The following VAV2 variants were observed in gnomAD, a reference collection of about 807,000 sequenced individuals.
VAV2 encodes the protein vav guanine nucleotide exchange factor 2.
A neutral mutation model predicts 132.5 loss-of-function variants in VAV2; 67 were observed. The ratio of observed to expected loss-of-function variants is 0.51; its 90% CI spans 0.42 to 0.62. The LOEUF (loss-of-function observed/expected upper bound fraction) is 0.62. Ranked by LOEUF, VAV2 falls within the 20% of genes least tolerant of loss-of-function variation. The pLI is 0.00. For synonymous variants in VAV2, 492 were observed against 443.5 expected (o/e 1.11, Z -1.37); for missense variants, 938 against 1,153.6 (o/e 0.81, Z 2.71).
intron 11 of VAV2, 84 bp from the exon 12 acceptor site, chr9:133,795,820 C>A: frequency 6.7e-7 from 1 of 1,486,822 alleles, no homozygotes; most frequent in Non-Finnish European, 9.3e-7. Flanking sequence ...AGGAGGTGTG[C>A]ACAGAACCAA....
At chr9:133,899,512 G>A (rs888025548) in intron 2 of VAV2, among the ~76,000 whole-genome samples, 4 of 151,706 alleles carry the variant, frequency 2.6e-5, no homozygotes, top group Non-Finnish European at 5.9e-5. Flanking sequence ...GGGTTCAAGC[G>A]ATTCTCATGC....
chr9:133,965,095 G>A (rs1842100916), intron 1 of VAV2, among the ~76,000 whole-genome samples: 1 of 152,082 alleles, frequency 6.6e-6, no homozygotes, highest in East Asian at 1.9e-4. Flanking sequence ...AAAAAACCTA[G>A]AACTGATAAC....
rs191518540 is a variant in VAV2 at position 133,928,791 on chromosome 9, G to A, written c.321+10312C>T. 1.1e-3 allele frequency among the ~76,000 whole-genome samples: 166 copies of A among 152,292 alleles called. No homozygotes were observed. Among genetic ancestry groups the A allele is most frequent in the African/African-American group, 3.5e-3 (147 of 41,544 alleles). On this transcript the variant is annotated intron_variant, in intron 2 of 29. Coordinates refer to ENST00000371850, the MANE Select transcript of VAV2 (RefSeq NM_001134398.2). The surrounding 1 kb of genome is among the most constrained non-coding windows in gnomAD (Gnocchi z 5.4). ...GAGAAATCAATGACATGGCTGAGACGGCATCTGGATACACTTGTCCAGCCC... is the reference window on the plus strand; with the variant it reads ...GAGAAATCAATGACATGGCTGAGACAGCATCTGGATACACTTGTCCAGCCC...
rs1840499121 is a variant in VAV2, at chr9:133,926,934, T to C, written c.321+12169A>G. ...CCAGCACCAGCCCTGGCCACAACTA[T>C]AGCAACTCCCCAAACCTCAGCCATC... is the stretch of plus-strand genomic sequence containing the variant. On this transcript the variant is annotated intron_variant, in intron 2 of 29. Coordinates refer to ENST00000371850, the MANE Select transcript of VAV2 (RefSeq NM_001134398.2). This position sits in a 1 kb window ranked among gnomAD's most constrained non-coding sequence, Gnocchi z 4.3. Among the ~76,000 whole-genome samples, 1 of 152,128 alleles carries C rather than the reference T, an allele frequency of 6.6e-6. No homozygotes were observed. Among genetic ancestry groups the C allele is most frequent in the Non-Finnish European group, 1.5e-5 (1 of 68,022 alleles).
At chr9:133,790,634 A>G (rs1052933490) in intron 13 of VAV2, among the ~76,000 whole-genome samples, 2 of 152,242 alleles carry the variant, frequency 1.3e-5, no homozygotes, top group Non-Finnish European at 2.9e-5. Flanking sequence ...CTGATGGTGC[A>G]GGGTGCGGCC....
At chr9:133,956,685 T>C (rs1030657480) in intron 1 of VAV2, among the ~76,000 whole-genome samples, 3 of 152,166 alleles carry the variant, frequency 2.0e-5, no homozygotes, top group Non-Finnish European at 4.4e-5. Context: ...CCTCGGCTGG[T>C]GGGCAGAGCA....
Position 133,991,170 on chromosome 9 carries a change from C to A in VAV2, c.204+905G>T, listed in dbSNP as rs1297780851. 1.3e-5 allele frequency among the ~76,000 whole-genome samples: 2 copies of A among 152,196 alleles called. No individual in the cohort carries two copies. Among genetic ancestry groups the A allele is most frequent in the Non-Finnish European group, 2.9e-5 (2 of 68,036 alleles). On this transcript the variant is annotated intron_variant, in intron 1 of 29. Transcript: ENST00000371850. This position sits in a 1 kb window ranked among gnomAD's most constrained non-coding sequence, Gnocchi z 4.8. ...GCACCTCCTCGGCGCTGGGTGGACCCGGCTGCCACCCGCTCTGCCTCCCCC... is the reference window on the plus strand; with the variant it reads ...GCACCTCCTCGGCGCTGGGTGGACCAGGCTGCCACCCGCTCTGCCTCCCCC...
intron 2 of VAV2, among the ~76,000 whole-genome samples, chr9:133,920,313 C>A (rs1229127157): frequency 1.3e-5 from 2 of 152,240 alleles, no homozygotes; most frequent in Non-Finnish European, 2.9e-5. Flanking sequence ...AGTGTCCCCA[C>A]TGCACAGCAG....
rs1180282421 is a variant in VAV2, at chr9:133,794,244, A to G, written c.1101+1424T>C. Reference sequence around the variant, plus strand: ...AGACAGGCCAGAGCAGGTGTTGGAGAGGGGCGGCTTGGGGGCTGCAGAGCT... The same window carrying G: ...AGACAGGCCAGAGCAGGTGTTGGAGGGGGGCGGCTTGGGGGCTGCAGAGCT... On this transcript the variant is annotated intron_variant, in intron 12 of 29. Transcript: ENST00000371850. The surrounding 1 kb of genome is among the most constrained non-coding windows in gnomAD (Gnocchi z 4.6). Among the ~76,000 whole-genome samples, 1 of 151,986 alleles carries G rather than the reference A, an allele frequency of 6.6e-6. No homozygotes were observed. The highest frequency in any genetic ancestry group is 1.5e-5 in the Non-Finnish European group (1 of 67,948).
chr9:133,934,330 C>T lies in VAV2; in HGVS notation c.321+4773G>A, dbSNP rs192817438. On this transcript the variant is annotated intron_variant, in intron 2 of 29. Transcript: ENST00000371850. ...ATAGGGGAAACGGCATTTCCTAAAC[C>T]AGCCAGAGACACCAGCCAGCTGTGA... Among the ~76,000 whole-genome samples, 324 of 152,272 alleles carry T rather than the reference C, an allele frequency of 2.1e-3. 3 individuals are homozygous for T. Among genetic ancestry groups the T allele is most frequent in the African/African-American group, 7.6e-3 (317 of 41,556 alleles).
At chr9:133,923,059 T>C (rs1161767472) in intron 2 of VAV2, among the ~76,000 whole-genome samples, 2 of 152,202 alleles carry the variant, frequency 1.3e-5, no homozygotes, top group African/African-American at 2.4e-5. Context: ...CCTCCAAAGA[T>C]GATGTAAACC....
Position 133,806,155 on chromosome 9 carries a change from G to A in VAV2, c.762C>T (p.Phe254=). Residue 254 remains phenylalanine, a synonymous_variant, in exon 9 of 30, where the codon TTC becomes TTT. Coordinates refer to ENST00000371850, the MANE Select transcript of VAV2 (RefSeq NM_001134398.2). ...LEDLIKVHHS[F]LRAIDVSVMV... ...TCACGGACACGTCGATGGCCCTCAGGAAGCTGTGATGCACCTTGATCAGGT... is the reference window on the plus strand; with the variant it reads ...TCACGGACACGTCGATGGCCCTCAGAAAGCTGTGATGCACCTTGATCAGGT... The A allele has an allele frequency of 6.2e-7, 1 of 1,612,812 alleles. No homozygotes were observed. Among genetic ancestry groups the A allele is most frequent in the Admixed American group, 1.7e-5 (1 of 60,002 alleles).
At chr9:133,917,798 G>A (rs118087154) in intron 2 of VAV2, among the ~76,000 whole-genome samples, 2,011 of 152,328 alleles carry the variant, frequency 0.013, 23 homozygotes, top group Middle Eastern at 0.027. Flanking sequence ...AGATCCCAGA[G>A]AGAGAACCCT....
At chr9:133,984,816 G>A (rs879391114) in intron 1 of VAV2, among the ~76,000 whole-genome samples, 6 of 151,318 alleles carry the variant, frequency 4.0e-5, no homozygotes, top group South Asian at 2.1e-4. Flanking sequence ...GCTGAGATGC[G>A]ATAATTACTT....
At chr9:133,916,035 CCATGCACACTCACACACAATGCA>C (rs1840077540) in intron 2 of VAV2, among the ~76,000 whole-genome samples, 1 of 150,890 alleles carries the variant, frequency 6.6e-6, no homozygotes, top group African/African-American at 2.4e-5. Context: ...CACAAGGCAC[CCATGCACACTCACACACAATGCA>C]CATGCACACA....
intron 4 of VAV2, among the ~76,000 whole-genome samples, chr9:133,832,802 G>A (rs906610073): frequency 1.5e-4 from 23 of 151,932 alleles, no homozygotes; most frequent in African/African-American, 5.6e-4. Context: ...CAGGTGATCC[G>A]CCCGCCTCAG....
At chr9:133,849,601 T>G (rs1837087844) in intron 3 of VAV2, among the ~76,000 whole-genome samples, 1 of 152,146 alleles carries the variant, frequency 6.6e-6, no homozygotes, top group East Asian at 1.9e-4. Flanking sequence ...CAACAGAAAT[T>G]TCTTCTCTCC....
chr9:133,858,200 G>A (rs763707825), intron 3 of VAV2, among the ~76,000 whole-genome samples: 7 of 152,200 alleles, frequency 4.6e-5, no homozygotes, highest in Non-Finnish European at 7.3e-5. Context: ...GCCACGCAGC[G>A]TATGCTCACA....
At chr9:133,925,513 T>C (rs7858929) in intron 2 of VAV2, among the ~76,000 whole-genome samples, 16,752 of 152,298 alleles carry the variant, frequency 0.11, 1,488 homozygotes, top group African/African-American at 0.24. Flanking sequence ...CCACTGTACC[T>C]GGTCACAGTA....
Sources: gnomAD v4.1 joint callset for allele counts (sites outside exome capture counted in the v4.1 genomes callset) on GRCh38, gnomAD v4.1.1 for gene constraint, Gnocchi (gnomAD v3.1) non-coding constraint, MANE v1.5 for transcripts, NCBI Gene and HGNC (gene_info 2026-07-23, HGNC 2026-07-21) for gene names.